Variants in CTNNA2 observed in about 807,000 individuals in gnomAD.
CTNNA2 encodes the protein catenin alpha 2, also known as catenin alpha-2.
Under a neutral mutation model 101.0 loss-of-function variants are expected in CTNNA2, and 42 were observed. The ratio of observed to expected loss-of-function variants is 0.42; its 90% confidence interval spans 0.32 to 0.54. The LOEUF (loss-of-function observed/expected upper bound fraction) is 0.54, where lower values mean the gene tolerates loss of function less well. Ranked by LOEUF, CTNNA2 falls within the 20% of genes least tolerant of loss-of-function variation. The probability of loss-of-function intolerance (pLI) is 0.14; values close to 1 mark genes in which losing one functional copy is unlikely to be tolerated. For missense variants in CTNNA2, 871 were observed against 1,223.1 expected (o/e 0.71, Z 4.29); for synonymous variants, 450 against 456.4 (o/e 0.99, Z 0.18).
chr2:79,845,212 TA>T (rs1335883551), intron 3 of CTNNA2, among the ~76,000 whole-genome samples: 4 of 142,054 alleles, frequency 2.8e-5, no homozygotes, highest in Non-Finnish European at 4.5e-5. Flanking sequence ...AATGTCCACT[TA>T]GGGGGCATTT....
chr2:79,436,099 C>T (rs894579378), intron 4 of CTNNA2, among the ~76,000 whole-genome samples: 2 of 152,146 alleles, frequency 1.3e-5, no homozygotes, highest in African/African-American at 4.8e-5. Flanking sequence ...TAACAAGCAC[C>T]ACAGGCTTTT....
At chr2:79,435,405 C>T (rs1010073372) in intron 4 of CTNNA2, among the ~76,000 whole-genome samples, 1 of 152,240 alleles carries the variant, frequency 6.6e-6, no homozygotes, top group South Asian at 2.1e-4. Context: ...CTTCTTCAAA[C>T]CTCTGTTAGA....
At chr2:80,305,299 G>C (rs1262009526) in intron 7 of CTNNA2, 1 of 985,298 alleles carries the variant, frequency 1.0e-6, no homozygotes, top group African/African-American at 1.7e-5. Flanking sequence ...AGTCCCGGTG[G>C]TGTGAGATCC....
At chr2:80,034,330 A>C (rs191109752) in intron 7 of CTNNA2, among the ~76,000 whole-genome samples, 37 of 151,228 alleles carry the variant, frequency 2.4e-4, no homozygotes, top group Middle Eastern at 6.8e-3. Flanking sequence ...ACCATATGAA[A>C]AATGCTGAAT....
chr2:79,436,701 G>A (rs757808503), intron 4 of CTNNA2, among the ~76,000 whole-genome samples: 5 of 151,564 alleles, frequency 3.3e-5, no homozygotes, highest in East Asian at 2.0e-4. Context: ...GCGCAGTCTC[G>A]GCTCACTGCA....
At chr2:79,853,495 G>A (rs1680889409) in intron 3 of CTNNA2, among the ~76,000 whole-genome samples, 2 of 152,064 alleles carry the variant, frequency 1.3e-5, no homozygotes, top group Non-Finnish European at 2.9e-5. Flanking sequence ...TTTTTCAGCA[G>A]TTCAGTTGTC....
intron 1 of CTNNA2, 148 bp from the exon 2 acceptor site, chr2:79,651,403 GT>G: frequency 1.4e-6 from 1 of 714,516 alleles, no homozygotes. Context: ...TACTGGTCTG[GT>G]TTTTCCATCT....
chr2:79,447,052 T>C (rs913004889), intron 4 of CTNNA2, among the ~76,000 whole-genome samples: 1 of 152,068 alleles, frequency 6.6e-6, no homozygotes, highest in Non-Finnish European at 1.5e-5. Context: ...AGTGTACTTA[T>C]AGGATCCACT....
At chr2:80,525,567 C>A (rs1038955162) in intron 9 of CTNNA2, among the ~76,000 whole-genome samples, 4 of 152,172 alleles carry the variant, frequency 2.6e-5, no homozygotes, top group African/African-American at 9.7e-5. Flanking sequence ...CTAAGCCTGA[C>A]TTTCCAATTT....
chr2:80,508,094 A>G (rs1688413557), intron 9 of CTNNA2, among the ~76,000 whole-genome samples: 1 of 152,156 alleles, frequency 6.6e-6, no homozygotes, highest in African/African-American at 2.4e-5. Flanking sequence ...TTGGCACTAG[A>G]TGATATCTAA....
chr2:80,368,867 G>GTGTGTGTGTA (rs112571951), intron 7 of CTNNA2, among the ~76,000 whole-genome samples: 11 of 144,732 alleles, frequency 7.6e-5, no homozygotes, highest in African/African-American at 2.8e-4. Flanking sequence ...GTGTGTGTGT[G>GTGTGTGTGTA]TATATATATA....
chr2:80,012,200 C>T (rs1047332397), intron 7 of CTNNA2, among the ~76,000 whole-genome samples: 4 of 152,054 alleles, frequency 2.6e-5, no homozygotes, highest in Non-Finnish European at 5.9e-5. Flanking sequence ...ATACTTTGTC[C>T]ATGTTTGATA....
chr2:79,392,272 C>T (rs114787729), intron 4 of CTNNA2, among the ~76,000 whole-genome samples: 12 of 152,266 alleles, frequency 7.9e-5, no homozygotes, highest in Admixed American at 5.2e-4. Flanking sequence ...CACAGATATC[C>T]TAGTCCCCAT....
At chr2:80,620,801 AG>A (rs1480435083) in intron 18 of CTNNA2, among the ~76,000 whole-genome samples, 2 of 151,894 alleles carry the variant, frequency 1.3e-5, no homozygotes, top group Non-Finnish European at 2.9e-5. Flanking sequence ...TACAGCTGCC[AG>A]GTAAGAAATG....
intron 4 of CTNNA2, among the ~76,000 whole-genome samples, chr2:79,465,007 T>A (rs1670918391): frequency 6.6e-6 from 1 of 152,196 alleles, no homozygotes; most frequent in Non-Finnish European, 1.5e-5. Flanking sequence ...ATTTGTCAAT[T>A]TTGGCTTTTG....
chr2:79,832,594 T>C (rs1679008831), intron 3 of CTNNA2, among the ~76,000 whole-genome samples: 2 of 152,192 alleles, frequency 1.3e-5, no homozygotes, highest in African/African-American at 2.4e-5. Context: ...AGTTCAGTCA[T>C]TGGTTGTCTC....
intron 1 of CTNNA2, among the ~76,000 whole-genome samples, chr2:79,583,618 G>A (rs1676284543): frequency 6.6e-6 from 1 of 152,026 alleles, no homozygotes; most frequent in Non-Finnish European, 1.5e-5. Flanking sequence ...TTTCCAGGGT[G>A]GCTATGTCAT....
chr2:79,290,552 A>T (rs555183934), intron 2 of CTNNA2, among the ~76,000 whole-genome samples: 1 of 152,210 alleles, frequency 6.6e-6, no homozygotes, highest in Admixed American at 6.5e-5. Flanking sequence ...GCAAACAGAG[A>T]CACAAGTGAC....
At chr2:79,375,275 A>G (rs1444098476) in intron 4 of CTNNA2, among the ~76,000 whole-genome samples, 1 of 152,182 alleles carries the variant, frequency 6.6e-6, no homozygotes. Context: ...AGCGTGTTTC[A>G]TCTTGTTGAC....
Sources: gnomAD v4.1 joint callset for allele counts (sites outside exome capture counted in the v4.1 genomes callset) on GRCh38, gnomAD v4.1.1 for gene constraint, MANE v1.5 for transcripts, NCBI Gene and HGNC (gene_info 2026-07-23, HGNC 2026-07-21) for gene names.